Variants in KMT2C observed in about 807,000 individuals in gnomAD.
KMT2C encodes histone-lysine N-methyltransferase 2C.
In KMT2C, 88 loss-of-function variants were observed where a neutral mutation model predicts 507.9. The observed-to-expected ratio is 0.17, with a 90% CI of 0.15 to 0.21. KMT2C has a LOEUF of 0.21. Among genes scored for constraint, KMT2C ranks in the 10% least tolerant of loss-of-function variants. The pLI is 1.00. For synonymous variants in KMT2C, 2,049 were observed against 2,080.8 expected (o/e 0.98, Z 0.42); for missense variants, 4,954 against 5,957.8 (o/e 0.83, Z 5.55).
At position 152,138,988 on chromosome 7, in the gene KMT2C, T is replaced by C; in HGVS notation, c.14535-84A>G. 8.7e-7 allele frequency: 1 copy of C among 1,144,322 alleles called. No individual in the cohort carries two copies. Among genetic ancestry groups the C allele is most frequent in the Non-Finnish European group, 1.3e-6 (1 of 762,222 alleles). 70.9% of individuals were successfully genotyped at this position (1,144,322 alleles called of 1,614,324 possible). A position where few individuals can be genotyped will look rare whatever the true frequency, so the allele number is the denominator to read the frequency against. The stretch of plus-strand genomic sequence containing the variant: ...CTTCCCATTTATTGATAAAGCAGTT[T>C]TTGCTAATTAAATTTCTATTTGCCC... On this transcript the variant is annotated intron_variant, in intron 57 of 58. Transcript: ENST00000262189. This position sits in a 1 kb window ranked among gnomAD's most constrained non-coding sequence, Gnocchi z 4.2.
chr7:152,162,369 C>T lies in KMT2C; in HGVS notation c.11208G>A (p.Leu3736=). The T allele has an allele frequency of 6.2e-7, 1 of 1,614,232 alleles. No homozygotes were observed. Among genetic ancestry groups the T allele is most frequent in the Non-Finnish European group, 8.5e-7 (1 of 1,180,052 alleles). The change falls in exon 43 of 59, where the codon TTG becomes TTA. Residue 3736 remains leucine (L), a synonymous_variant. Transcript: ENST00000262189. ...ESCPGQEEPK[L]EEQNGSKVEG... The stretch of plus-strand genomic sequence containing the variant: ...CTACCTTACTACCATTCTGTTCCTC[C>T]AATTTAGGCTCCTCTTGGCCTGGGC...
intron 2 of KMT2C, among the ~76,000 whole-genome samples, chr7:152,340,250 A>C (rs368582538): frequency 4.5e-4 from 68 of 151,846 alleles, no homozygotes; most frequent in African/African-American, 1.6e-3. Context: ...AGCCTCCCAA[A>C]GTGCTAGAAT....
chr7:152,400,839 A>C (rs1029289622), intron 1 of KMT2C, among the ~76,000 whole-genome samples: 1 of 151,884 alleles, frequency 6.6e-6, no homozygotes, highest in Non-Finnish European at 1.5e-5. Context: ...CAACAGGTCT[A>C]AATACTTCTA....
In KMT2C at chr7:152,174,119, C is replaced by T. The variant is rs763877725; in HGVS notation, c.9374+12G>A. The T allele has an allele frequency of 1.4e-6, 2 of 1,415,220 alleles. No homozygotes were observed. The highest frequency in any genetic ancestry group is 1.2e-5 in the South Asian group (1 of 80,586). 87.7% of individuals were successfully genotyped at this position (1,415,220 alleles called of 1,614,324 possible). On this transcript the variant is annotated intron_variant, in intron 39 of 58. Transcript: ENST00000262189. ...TAGATGCCCAGTAGAAACAAGCAGC[C>T]ACTCCACCTACCTGCTCATCACCAT...
intron 1 of KMT2C, among the ~76,000 whole-genome samples, chr7:152,364,970 C>CACACACACACAT (rs398006772): frequency 1.3e-5 from 2 of 151,204 alleles, no homozygotes; most frequent in African/African-American, 4.9e-5. Context: ...CACACACACA[C>CACACACACACAT]GTACCAGTAA....
In KMT2C at chr7:152,233,930, T is replaced by G. The variant is rs574574642; in HGVS notation, c.2769+1887A>C. On this transcript the variant is annotated intron_variant, in intron 16 of 58. Coordinates refer to ENST00000262189, the MANE Select transcript of KMT2C (RefSeq NM_170606.3). ...GAGACGGATCATCTGAGGCCAGGAG[T>G]TCGAGACCAGCCTGGCCAACATGGC... 2.0e-5 allele frequency among the ~76,000 whole-genome samples: 3 copies of G among 152,112 alleles called. No homozygotes were observed. In the East Asian group the frequency reaches 5.8e-4, roughly 29 times the overall value.
At chr7:152,179,513 T>A (rs1587977255) in intron 37 of KMT2C, among the ~76,000 whole-genome samples, 2 of 152,102 alleles carry the variant, frequency 1.3e-5, no homozygotes, top group South Asian at 2.1e-4. Flanking sequence ...AGGAAAAAAA[T>A]GTCTATGACC....
chr7:152,324,308 A>T (rs1184326919), intron 3 of KMT2C, among the ~76,000 whole-genome samples: 1 of 151,208 alleles, frequency 6.6e-6, no homozygotes, highest in African/African-American at 2.4e-5. Context: ...TCACTTTTGC[A>T]CCAACTTAAG....
At chr7:152,219,113 G>A (rs975649308) in intron 23 of KMT2C, among the ~76,000 whole-genome samples, 5 of 151,978 alleles carry the variant, frequency 3.3e-5, no homozygotes, top group African/African-American at 9.7e-5. Flanking sequence ...GGGATTACAG[G>A]TGCATGCCAC....
chr7:152,404,374 C>T (rs1400390425), intron 1 of KMT2C, among the ~76,000 whole-genome samples: 126 of 146,704 alleles, frequency 8.6e-4, no homozygotes, highest in African/African-American at 3.4e-3. Flanking sequence ...GTGGCTGACG[C>T]CTGTAATCAC....
In KMT2C at chr7:152,293,725, G is replaced by A. The variant is rs1268576313; in HGVS notation, c.849+16241C>T. On this transcript the variant is annotated intron_variant, in intron 6 of 58. Transcript: ENST00000262189. The stretch of plus-strand genomic sequence containing the variant: ...TTAAATTGAGACATCTTCATTGAAT[G>A]GGCCTACCAAAATTTAACTGTTTTT... Among the ~76,000 whole-genome samples the A allele has an allele frequency of 3.3e-5, 5 of 152,252 alleles. No individual in the cohort carries two copies. In the East Asian group the frequency reaches 9.6e-4, roughly 29 times the overall value.
At chr7:152,244,982 GGAT>G (rs1342993396) in intron 14 of KMT2C, among the ~76,000 whole-genome samples, 4 of 152,150 alleles carry the variant, frequency 2.6e-5, no homozygotes, top group African/African-American at 9.7e-5. Context: ...ATTTGATAAT[GGAT>G]GTCCAATACC....
chr7:152,281,630 G>T (rs1413789789), intron 6 of KMT2C, among the ~76,000 whole-genome samples: 7 of 152,194 alleles, frequency 4.6e-5, no homozygotes, highest in Non-Finnish European at 8.8e-5. Flanking sequence ...TACTTGGAAG[G>T]CTGAGGCAGG....
intron 14 of KMT2C, among the ~76,000 whole-genome samples, chr7:152,242,185 G>C (rs1432123035): frequency 1.3e-5 from 2 of 152,092 alleles, no homozygotes; most frequent in African/African-American, 4.8e-5. Context: ...TTTTTACACT[G>C]TAATTAAAGA....
At position 152,274,316 on chromosome 7, in the gene KMT2C, CTCA is replaced by C. The variant is rs1332262587; in HGVS notation, c.850-452_850-450del. ...TGCCTAAAAATAAATACAAAATAAA[CTCA>C]TCAATTGTAAGTTAACAGGGACACA... On this transcript the variant is annotated intron_variant, in intron 6 of 58. Coordinates refer to ENST00000262189, the MANE Select transcript of KMT2C (RefSeq NM_170606.3). Among the ~76,000 whole-genome samples, 3 of 134,816 alleles carry C rather than the reference CTCA, an allele frequency of 2.2e-5. No homozygotes were observed. The East Asian group carries it at 6.3e-4, about 29-fold the overall frequency. 88.4% of individuals were successfully genotyped at this position (134,816 alleles called of 152,430 possible). A position where few individuals can be genotyped will look rare whatever the true frequency, so the allele number is the denominator to read the frequency against.
intron 36 of KMT2C, 65 bp from the exon 37 acceptor site, chr7:152,180,191 G>A (rs2129118555): frequency 6.5e-7 from 1 of 1,545,194 alleles, no homozygotes. Flanking sequence ...AAGGTTACTG[G>A]CTTTTTATTT....
rs547130625 is a variant in KMT2C, at chr7:152,290,131, T to C, written c.850-16264A>G. Among the ~76,000 whole-genome samples, 21 of 151,510 alleles carry C rather than the reference T, an allele frequency of 1.4e-4. 1 individual carries two copies. The South Asian group carries it at 4.4e-3, about 32-fold the overall frequency. ...TGGATCACTCAGTGAACCAATATTT[T>C]CCAAAGACCACTTAGTAATCTTATA... On this transcript the variant is annotated intron_variant, in intron 6 of 58. Coordinates refer to ENST00000262189, the MANE Select transcript of KMT2C (RefSeq NM_170606.3).
intron 9 of KMT2C, among the ~76,000 whole-genome samples, chr7:152,258,191 C>CA (rs1236322197): frequency 1.3e-5 from 2 of 152,052 alleles, no homozygotes; most frequent in African/African-American, 4.8e-5. Context: ...CTTGTTACAC[C>CA]AAAAAGTATG....
At chr7:152,157,380 T>G (rs1159206552) in intron 44 of KMT2C, among the ~76,000 whole-genome samples, 1 of 151,986 alleles carries the variant, frequency 6.6e-6, no homozygotes, top group Non-Finnish European at 1.5e-5. Context: ...AATTAATACC[T>G]AAATTATTAG....
Sources: gnomAD v4.1 joint callset for allele counts (sites outside exome capture counted in the v4.1 genomes callset) on GRCh38, gnomAD v4.1.1 for gene constraint, Gnocchi (gnomAD v3.1) non-coding constraint, MANE v1.5 for transcripts, NCBI Gene and HGNC (gene_info 2026-07-23, HGNC 2026-07-21) for gene names.